Variants in RASGEF1C observed in about 807,000 individuals in gnomAD.
RASGEF1C encodes the protein ras-GEF domain-containing family member 1C.
In RASGEF1C, 27 loss-of-function variants were observed where a neutral mutation model predicts 58.1. The observed-to-expected ratio is 0.46, with a 90% CI of 0.34 to 0.64. The LOEUF (loss-of-function observed/expected upper bound fraction) is 0.64, where lower values mean the gene tolerates loss of function less well. Among genes scored for constraint, RASGEF1C ranks in the 30% least tolerant of loss-of-function variants. RASGEF1C has a pLI of 0.01. For missense variants in RASGEF1C, 502 were observed against 605.1 expected, an observed-to-expected ratio of 0.83 and a Z score of 1.79; for synonymous variants, 243 against 246.3, an observed-to-expected ratio of 0.99 and a Z score of 0.13.
chr5:180,139,845 A>G (rs1028637407), intron 1 of RASGEF1C, among the ~76,000 whole-genome samples: 2 of 152,164 alleles, frequency 1.3e-5, no homozygotes, highest in Non-Finnish European at 2.9e-5. Flanking sequence ...TCCACAAGAT[A>G]GAAAACCTGT....
chr5:180,183,254 C>G (rs1325047611), intron 1 of RASGEF1C, among the ~76,000 whole-genome samples: 1 of 152,106 alleles, frequency 6.6e-6, no homozygotes, highest in Non-Finnish European at 1.5e-5. Context: ...CAGATGAGAC[C>G]CAAGCCCCAC....
intron 1 of RASGEF1C, among the ~76,000 whole-genome samples, chr5:180,144,125 C>T (rs1024006356): frequency 2.6e-5 from 4 of 152,176 alleles, no homozygotes; most frequent in Non-Finnish European, 5.9e-5. Flanking sequence ...ACGGGGAGCT[C>T]GCCACCTGCT....
intron 1 of RASGEF1C, among the ~76,000 whole-genome samples, chr5:180,192,579 A>G (rs1370511743): frequency 6.6e-6 from 1 of 152,224 alleles, no homozygotes; most frequent in African/African-American, 2.4e-5. Context: ...CATGAAAACA[A>G]CACTGGAACT....
intron 1 of RASGEF1C, among the ~76,000 whole-genome samples, chr5:180,188,219 C>T (rs918503665): frequency 6.6e-5 from 10 of 152,070 alleles, no homozygotes; most frequent in East Asian, 3.8e-4. Flanking sequence ...ATGTGAAAGC[C>T]GCTTGACACG....
intron 12 of RASGEF1C, among the ~76,000 whole-genome samples, chr5:180,107,672 A>G (rs1460983087): frequency 6.6e-6 from 1 of 152,102 alleles, no homozygotes; most frequent in East Asian, 1.9e-4. Context: ...GCAGTGGCAC[A>G]ATCTTGGCTC....
chr5:180,127,771 T>G, intron 5 of RASGEF1C, 88 bp from the exon 6 acceptor site: 3 of 1,240,584 alleles, frequency 2.4e-6, no homozygotes, highest in Non-Finnish European at 3.4e-6. Context: ...CCCCAGCCCC[T>G]AGTCCTCCTC....
At chr5:180,136,556 G>A (rs771134515) in intron 3 of RASGEF1C, 41 bp from the exon 4 acceptor site, 7 of 1,541,374 alleles carry the variant, frequency 4.5e-6, no homozygotes, top group Admixed American at 3.9e-5. Context: ...GAGGGGCGCC[G>A]GGTGGGCACG....
chr5:180,132,488 C>T (rs1479442058), intron 4 of RASGEF1C, among the ~76,000 whole-genome samples: 1 of 152,228 alleles, frequency 6.6e-6, no homozygotes, highest in Non-Finnish European at 1.5e-5. Flanking sequence ...CAGCCTAGGG[C>T]TGATGTCCTC....
In RASGEF1C at chr5:180,115,111, T is replaced by G. The variant is rs551611151; in HGVS notation, c.1084-570A>C. On this transcript the variant is annotated intron_variant, in intron 10 of 13. Transcript: ENST00000361132. ...CTCACTGCAAGCTCCGCCTCCCAGG[T>G]TCAAGTGATTCTCCTGCTTCAGCCT... 74 of 295,094 alleles carry G rather than the reference T, an allele frequency of 2.5e-4. 1 individual carries two copies. Among genetic ancestry groups the G allele is most frequent in the Non-Finnish European group, 4.3e-4 (63 of 145,850 alleles). 18.3% of individuals were successfully genotyped at this position (295,094 alleles called of 1,614,324 possible).
Position 180,137,102 on chromosome 5 carries a change from G to T in RASGEF1C, c.300+488C>A, listed in dbSNP as rs186077721. 7.6e-4 allele frequency among the ~76,000 whole-genome samples: 116 copies of T among 152,322 alleles called. No individual in the cohort carries two copies. The highest frequency in any genetic ancestry group is 2.7e-3 in the African/African-American group (113 of 41,564). The stretch of plus-strand genomic sequence containing the variant: ...AGGCCACGGTGCAGTGCTGTGGTGT[G>T]AGGCCCGAGCCAGCGGTCCCTGAGA... On this transcript the variant is annotated intron_variant, in intron 3 of 13. Transcript: ENST00000361132. This position sits in a 1 kb window ranked among gnomAD's most constrained non-coding sequence, Gnocchi z 4.1.
intron 1 of RASGEF1C, among the ~76,000 whole-genome samples, chr5:180,161,265 G>A (rs1766939304): frequency 6.6e-6 from 1 of 152,358 alleles, no homozygotes; most frequent in Non-Finnish European, 1.5e-5. Flanking sequence ...GAGGACGTGG[G>A]CTGCAGTGGG....
At chr5:180,142,918 C>G (rs1387261301) in intron 1 of RASGEF1C, among the ~76,000 whole-genome samples, 3 of 152,158 alleles carry the variant, frequency 2.0e-5, no homozygotes, top group Non-Finnish European at 4.4e-5. Context: ...GGCAAGGGCA[C>G]TGACAGGACA....
intron 1 of RASGEF1C, among the ~76,000 whole-genome samples, chr5:180,175,208 C>T (rs1767202961): frequency 6.6e-6 from 1 of 152,146 alleles, no homozygotes; most frequent in African/African-American, 2.4e-5. Context: ...GCCAGCCTGG[C>T]CTAGCCTCTG....
intron 1 of RASGEF1C, among the ~76,000 whole-genome samples, chr5:180,140,795 C>A (rs933935814): frequency 6.6e-6 from 1 of 152,234 alleles, no homozygotes; most frequent in Non-Finnish European, 1.5e-5. Flanking sequence ...GGGCTGACGG[C>A]AGGATGCAAT....
In RASGEF1C at chr5:180,111,452, C is replaced by T. The variant is rs1273626483; in HGVS notation, c.1303+5G>A. 1 of 1,614,198 alleles carries T rather than the reference C, an allele frequency of 6.2e-7. No homozygotes were observed. Among genetic ancestry groups the T allele is most frequent in the South Asian group, 1.1e-5 (1 of 91,088 alleles). On this transcript the variant is annotated splice_donor_5th_base_variant and intron_variant, in intron 12 of 13. Coordinates refer to ENST00000361132, the MANE Select transcript of RASGEF1C (RefSeq NM_175062.4). ...GTAGGCAGGAGGGCTGCAGGGCTAC[C>T]TTACCATCCTCACTGAAGATGGGGG... is the stretch of plus-strand genomic sequence containing the variant.
Position 180,114,557 on chromosome 5 carries a change from G to C in RASGEF1C, c.1084-16C>G. 1 of 1,603,766 alleles carries C rather than the reference G, an allele frequency of 6.2e-7. No individual in the cohort carries two copies. ...GAATGACAATCTGGAAGAAAGAGGGGGCAGGTCGGCCCCAGCCGGCCCTCC... is the reference window on the plus strand; with the variant it reads ...GAATGACAATCTGGAAGAAAGAGGGCGCAGGTCGGCCCCAGCCGGCCCTCC... On this transcript the variant is annotated splice_polypyrimidine_tract_variant and intron_variant, in intron 10 of 13. Transcript: ENST00000361132.
At chr5:180,157,263 A>G (rs10077265) in intron 1 of RASGEF1C, among the ~76,000 whole-genome samples, 22,967 of 152,280 alleles carry the variant, frequency 0.15, 1,862 homozygotes, top group East Asian at 0.18. Context: ...GAAGCAACCA[A>G]GATGTCCTTC....
intron 4 of RASGEF1C, among the ~76,000 whole-genome samples, chr5:180,135,575 G>A (rs556491174): frequency 4.3e-4 from 66 of 152,324 alleles, no homozygotes; most frequent in African/African-American, 1.5e-3. Flanking sequence ...ACCAGGAGAC[G>A]TCTAGCTCCA....
chr5:180,102,194 C>A, intron 12 of RASGEF1C, 51 bp from the exon 13 acceptor site: 4 of 1,087,102 alleles, frequency 3.7e-6, no homozygotes, highest in South Asian at 1.3e-5. Context: ...TGATAATAAC[C>A]TGTTCTACAC....
Sources: allele counts gnomAD v4.1 joint callset (sites outside exome capture counted in the v4.1 genomes callset), GRCh38; gene constraint gnomAD v4.1.1; non-coding constraint Gnocchi (gnomAD v3.1); transcripts MANE v1.5; gene names NCBI Gene and HGNC (gene_info 2026-07-23, HGNC 2026-07-21).